The following ATP7B variants were observed in gnomAD, a reference collection of about 807,000 sequenced individuals.
The protein encoded by ATP7B is copper-transporting ATPase 2.
In ATP7B, 113 loss-of-function variants were observed where a neutral mutation model predicts 118.9. The observed-to-expected ratio is 0.95, with a 90% confidence interval of 0.82 to 1.11. The LOEUF is 1.11. ATP7B is among the 50% of genes most tolerant of loss of function. The pLI is 0.00. For missense variants in ATP7B, 1,867 were observed against 1,871.4 expected (o/e 1.00, Z 0.04); for synonymous variants, 777 against 727.4 (o/e 1.07, Z -1.10).
Position 51,933,436 on chromosome 13 carries a change from A to G in ATP7B, c.*1320T>C, listed in dbSNP as rs1356381600. The G allele has an allele frequency of 6.6e-6, 1 of 152,246 alleles. No homozygotes were observed. Among genetic ancestry groups the G allele is most frequent in the Non-Finnish European group, 1.5e-5 (1 of 68,050 alleles). 9.4% of individuals were successfully genotyped at this position (152,246 alleles called of 1,614,324 possible). ...GTAATGGACAATGAAAAAAATCACT[A>G]AAACTATTTTGTGTGGGAGAAAAGG... is the stretch of plus-strand genomic sequence containing the variant. On this transcript the variant is annotated 3_prime_UTR_variant, in exon 21 of 21. Coordinates refer to ENST00000242839, the MANE Select transcript of ATP7B (RefSeq NM_000053.4).
chr13:51,999,780 G>C (rs369581595), intron 1 of ATP7B, among the ~76,000 whole-genome samples: 1 of 152,056 alleles, frequency 6.6e-6, no homozygotes, highest in African/African-American at 2.4e-5. Flanking sequence ...CACGAACTGC[G>C]GGAGGACCCG....
At chr13:51,941,472 G>A (rs1225183398) in intron 15 of ATP7B, among the ~76,000 whole-genome samples, 3 of 152,072 alleles carry the variant, frequency 2.0e-5, no homozygotes, top group Admixed American at 6.5e-5. Flanking sequence ...TGGTATAAAC[G>A]TATTAAACAT....
Position 51,938,752 on chromosome 13 carries a change from C to T in ATP7B, c.3699+299G>A, listed in dbSNP as rs1924608. 0.57 allele frequency among the ~76,000 whole-genome samples: 86,161 copies of T among 152,054 alleles called. 24,552 individuals carry two copies. The highest frequency in any genetic ancestry group is 0.64 in the Middle Eastern group (188 of 294). ...CATAAAGGTTAGAAAATGTCTATCT[C>T]AGCCCTTAGGTCACATACTTTTTTT... On this transcript the variant is annotated intron_variant, in intron 17 of 20. Coordinates refer to ENST00000242839, the MANE Select transcript of ATP7B (RefSeq NM_000053.4).
At chr13:52,002,512 A>G (rs9568688) in intron 1 of ATP7B, among the ~76,000 whole-genome samples, 21,715 of 60,450 alleles carry the variant, frequency 0.36, 2,140 homozygotes, top group East Asian at 0.5. Flanking sequence ...GGCTGCAGTG[A>G]GCCTGCCACT....
rs1436508719 is a variant in ATP7B, at chr13:51,975,180, AG to A, written c.52-13del. On this transcript the variant is annotated splice_polypyrimidine_tract_variant and intron_variant, in intron 1 of 20. Coordinates refer to ENST00000242839, the MANE Select transcript of ATP7B (RefSeq NM_000053.4). ...AGCTTAGATAAGATCTAAAAAGAAA[AG>A]AAATAACATTTTTTAACCTTGAAAC... is the stretch of plus-strand genomic sequence containing the variant. 3 of 1,613,928 alleles carry A rather than the reference AG, an allele frequency of 1.9e-6. No homozygotes were observed. Among genetic ancestry groups the A allele is most frequent in the Non-Finnish European group, 2.5e-6 (3 of 1,179,870 alleles).
Position 51,974,221 on chromosome 13 carries a change from C to CCCTT in ATP7B, c.995_998dup (p.Ser334ArgfsTer46), listed in dbSNP as rs1951990899. 6.2e-7 allele frequency: 1 copy of CCCTT among 1,613,976 alleles called. No homozygotes were observed. ...TGGAAGACCTGTGATCTGTCCCACTCCCTTCGGCTCCATCAGGAAGAGAAA... is the reference window on the plus strand; with the variant it reads ...TGGAAGACCTGTGATCTGTCCCACTCCCTTCCTTCGGCTCCATCAGGAAGAGAAA... On this transcript the variant is annotated frameshift_variant, in exon 2 of 21. Transcript: ENST00000242839. LOFTEE classifies it high-confidence loss of function.
intron 12 of ATP7B, among the ~76,000 whole-genome samples, chr13:51,949,359 C>A (rs2139175798): frequency 6.6e-6 from 1 of 152,260 alleles, no homozygotes; most frequent in Middle Eastern, 3.4e-3. Context: ...ATGTATGCCT[C>A]ATAACCTCAA....
upstream of ATP7B, chr13:52,011,502 T>C (rs916141387): frequency 1.5e-5 from 12 of 800,976 alleles, no homozygotes; most frequent in Middle Eastern, 2.6e-4. Context: ...GAACCGCCCC[T>C]TCATTTGGGA....
intron 1 of ATP7B, among the ~76,000 whole-genome samples, chr13:51,998,074 G>A (rs927239230): frequency 1.3e-5 from 2 of 151,932 alleles, no homozygotes; most frequent in South Asian, 2.1e-4. Flanking sequence ...TCCCCTTCCC[G>A]GCACCATCTA....
intron 14 of ATP7B, among the ~76,000 whole-genome samples, chr13:51,943,105 G>A (rs1226191284): frequency 6.6e-6 from 1 of 152,120 alleles, no homozygotes; most frequent in Non-Finnish European, 1.5e-5. Context: ...CCTCCCCCAG[G>A]CTGTGAGCTC....
At chr13:52,012,106 C>T (rs1035844243), upstream of ATP7B, 1 of 531,748 alleles carries the variant, frequency 1.9e-6, no homozygotes, top group Non-Finnish European at 3.4e-6. Flanking sequence ...GGCGCAGGCG[C>T]CCAGGCGGGG....
In ATP7B at chr13:51,942,458, C is replaced by T. The variant is rs772464343; in HGVS notation, c.3340G>A (p.Ala1114Thr). 3 of 1,614,226 alleles carry T rather than the reference C, an allele frequency of 1.9e-6. No homozygotes were observed. The highest frequency in any genetic ancestry group is 2.5e-6 in the Non-Finnish European group (3 of 1,180,048). ...GCACTCAAAGGGCGCTCACTGTGGG[C>T]CAGGATGCCTTCCACGTTGCTGACT... ...CKVSNVEGILAHSERPLSAPA... is the reference protein window; with the variant it reads ...CKVSNVEGILTHSERPLSAPA... Residue 1114 changes from alanine (A) to threonine (T), a missense_variant, in exon 15 of 21, where the codon GCC becomes ACC. Coordinates refer to ENST00000242839, the MANE Select transcript of ATP7B (RefSeq NM_000053.4).
In ATP7B at chr13:51,958,311, C is replaced by T. The variant is rs1958487080; in HGVS notation, c.2355G>A (p.Lys785=). ...ALGRWLEHLA[K]SKTSEALAKL... Reference sequence around the variant, plus strand: ...TTTCTGAACCTGAAGCTGCTGTTACCTTTGCCAAGTGTTCCAGCCACCGGC... The same window carrying T: ...TTTCTGAACCTGAAGCTGCTGTTACTTTTGCCAAGTGTTCCAGCCACCGGC... The change falls in exon 8 of 21, where the codon AAG becomes AAA. Residue 785 remains lysine, a splice_region_variant and synonymous_variant. Coordinates refer to ENST00000242839, the MANE Select transcript of ATP7B (RefSeq NM_000053.4). The T allele has an allele frequency of 6.2e-7, 1 of 1,614,112 alleles. No individual in the cohort carries two copies. Among genetic ancestry groups the T allele is most frequent in the Non-Finnish European group, 8.5e-7 (1 of 1,179,984 alleles).
At chr13:51,947,878 T>C (rs1957764364) in intron 12 of ATP7B, 1 of 152,138 alleles carries the variant, frequency 6.6e-6, no homozygotes, top group African/African-American at 2.4e-5. Context: ...TCCCTGATAT[T>C]GCAGATAAAA....
At chr13:51,996,434 C>T (rs1953211186) in intron 1 of ATP7B, among the ~76,000 whole-genome samples, 1 of 152,208 alleles carries the variant, frequency 6.6e-6, no homozygotes, top group Admixed American at 6.5e-5. Flanking sequence ...CCACATCCCC[C>T]ATGGCAGGAA....
intron 12 of ATP7B, 70 bp from the exon 13 acceptor site, chr13:51,946,548 A>T: frequency 6.4e-7 from 1 of 1,564,350 alleles, no homozygotes; most frequent in East Asian, 2.3e-5. Context: ...CTAATCACAT[A>T]AGGACATTTC....
Position 51,970,516 on chromosome 13 carries a change from CTA to C in ATP7B, c.1517_1518del (p.Ile506ArgfsTer27). 6.2e-7 allele frequency: 1 copy of C among 1,614,180 alleles called. No homozygotes were observed. The highest frequency in any genetic ancestry group is 2.2e-5 in the East Asian group (1 of 44,872). ...CCAGCTTCTTTCTGCAGATTCCTTT[CTA>C]TGTTAGACACACAGGATGCACAGGT... Reference protein sequence around the residue: ...GMTCASCVSNIERNLQKEAGV... With the variant: ...GMTCASCVSNXERNLQKEAGV... On this transcript the variant is annotated frameshift_variant, in exon 3 of 21. Coordinates refer to ENST00000242839, the MANE Select transcript of ATP7B (RefSeq NM_000053.4). LOFTEE classifies it high-confidence loss of function.
intron 4 of ATP7B, among the ~76,000 whole-genome samples, chr13:51,967,793 G>C (rs1053356607): frequency 1.3e-5 from 2 of 152,216 alleles, no homozygotes; most frequent in Non-Finnish European, 2.9e-5. Context: ...TACACAAAAA[G>C]AGCTGTACAA....
chr13:51,995,821 A>T (rs1447657148), intron 1 of ATP7B, among the ~76,000 whole-genome samples: 2 of 152,072 alleles, frequency 1.3e-5, no homozygotes, highest in Non-Finnish European at 1.5e-5. Flanking sequence ...CTCACTCAAC[A>T]CACTGTGTGC....
Sources: allele counts gnomAD v4.1 joint callset (sites outside exome capture counted in the v4.1 genomes callset), GRCh38; gene constraint gnomAD v4.1.1; transcripts MANE v1.5; gene names NCBI Gene and HGNC (gene_info 2026-07-23, HGNC 2026-07-21).